Variants in TMEM101 observed in about 807,000 individuals in gnomAD.
The protein encoded by TMEM101 is putative NF-kappa-B-activating protein 130.
Under a neutral mutation model 26.0 loss-of-function variants are expected in TMEM101, and 14 were observed. The ratio of observed to expected loss-of-function variants is 0.54; its 90% CI spans 0.36 to 0.84. The LOEUF (loss-of-function observed/expected upper bound fraction) is 0.84, where lower values mean the gene tolerates loss of function less well. Ranked by LOEUF, TMEM101 falls within the 40% of genes least tolerant of loss-of-function variation. The pLI is 0.01. For synonymous variants in TMEM101, 152 were observed against 145.1 expected (o/e 1.05, Z -0.34); for missense variants, 292 against 345.1 (o/e 0.85, Z 1.22).
chr17:44,016,368 A>T (rs2049231396), upstream of TMEM101, among the ~76,000 whole-genome samples: 1 of 152,054 alleles, frequency 6.6e-6, no homozygotes, highest in Non-Finnish European at 1.5e-5. Context: ...ACAGGGTTTC[A>T]CCATGTTGGC....
At chr17:44,021,236 G>A (rs1292003466) in intron 2 of TMEM101, 1 of 152,210 alleles carries the variant, frequency 6.6e-6, no homozygotes, top group African/African-American at 2.4e-5. Context: ...TGCATCTGCG[G>A]TTTTATAGCA....
intron 1 of TMEM101, among the ~76,000 whole-genome samples, chr17:44,021,904 G>C (rs947527403): frequency 3.9e-5 from 6 of 152,164 alleles, no homozygotes; most frequent in Admixed American, 6.5e-5. Flanking sequence ...TTCCCATCTT[G>C]TTTCTGCCTA....
At chr17:44,022,755 C>T (rs966811163) in intron 1 of TMEM101, among the ~76,000 whole-genome samples, 1 of 152,158 alleles carries the variant, frequency 6.6e-6, no homozygotes, top group African/African-American at 2.4e-5. Flanking sequence ...TGGGAAGTCT[C>T]CAAGCTCCCA....
At position 44,012,100 on chromosome 17, in the gene TMEM101, G is replaced by T; in HGVS notation, c.602C>A (p.Thr201Asn). The change falls in exon 4 of 4, where the codon ACC (threonine) becomes AAC (asparagine). Residue 201 changes from threonine to asparagine, a missense_variant. Thr to Asn is a moderately conservative substitution (Grantham distance 65). Transcript: ENST00000206380. ...ALAFLSGYYV[T>N]LAAQILAVLL... ...TACAGCCAGGATCTGGGCAGCGAGG[G>T]TCACGTAGTAGCCTGACAGAAAGGC... 1 of 1,614,252 alleles carries T rather than the reference G, an allele frequency of 6.2e-7. No individual in the cohort carries two copies. The highest frequency in any genetic ancestry group is 8.5e-7 in the Non-Finnish European group (1 of 1,180,044).
intron 2 of TMEM101, among the ~76,000 whole-genome samples, chr17:44,013,357 G>T (rs969931232): frequency 6.6e-6 from 1 of 152,088 alleles, no homozygotes; most frequent in Non-Finnish European, 1.5e-5. Context: ...GGCCCAGAGG[G>T]TTAAGAAAAC....
rs543639050 is a variant in TMEM101, at chr17:44,011,211, T to C, written c.*717A>G. On this transcript the variant is annotated 3_prime_UTR_variant, in exon 4 of 4. Transcript: ENST00000206380. ...AATGTCTATATAAAATGTTTATTTT[T>C]GGAGGACTGTGTGGTCTGGTGTTTG... The C allele has an allele frequency of 8.5e-5, 13 of 152,312 alleles. No individual in the cohort carries two copies. Among genetic ancestry groups the C allele is most frequent in the Admixed American group, 2.6e-4 (4 of 15,296 alleles). 9.4% of individuals were successfully genotyped at this position (152,312 alleles called of 1,614,324 possible).
chr17:44,014,941 C>T lies in TMEM101; in HGVS notation c.12G>A (p.Lys4=). 6.2e-7 allele frequency: 1 copy of T among 1,612,030 alleles called. No homozygotes were observed. The highest frequency in any genetic ancestry group is 8.5e-7 in the Non-Finnish European group (1 of 1,178,794). The change falls in exon 1 of 4, where the codon AAG becomes AAA. Residue 4 remains lysine (K), a synonymous_variant. Transcript: ENST00000206380. The part of the protein sequence containing the change: MAS[K]IGSRRWMLQL... The stretch of plus-strand genomic sequence containing the variant: ...GCAACATCCACCGTCTCGAACCTAT[C>T]TTCGACGCCATCTTGGGAAAGGGCA...
intron 3 of TMEM101, 33 bp downstream of exon 3, chr17:44,012,976 C>A: frequency 1.3e-6 from 2 of 1,521,368 alleles, no homozygotes; most frequent in South Asian, 1.2e-5. Context: ...CACTCCCAGC[C>A]AGGCACCTCC....
At chr17:44,015,685 G>A (rs146475873), upstream of TMEM101, among the ~76,000 whole-genome samples, 14 of 152,228 alleles carry the variant, frequency 9.2e-5, no homozygotes, top group African/African-American at 3.4e-4. Context: ...GAGCCACCGC[G>A]CCAGGCCAGA....
upstream of TMEM101, chr17:44,015,159 C>T: frequency 1.8e-6 from 1 of 556,268 alleles, no homozygotes; most frequent in Non-Finnish European, 3.0e-6. Flanking sequence ...TTTGTCCCTG[C>T]GAATTTGAAA....
chr17:44,015,356 C>T (rs1238897788), upstream of TMEM101, among the ~76,000 whole-genome samples: 3 of 151,746 alleles, frequency 2.0e-5, no homozygotes, highest in South Asian at 4.2e-4. Flanking sequence ...GATAATTACA[C>T]CTACCTCAGA....
At chr17:44,020,141 C>T (rs1468912196) in intron 2 of TMEM101, among the ~76,000 whole-genome samples, 2 of 152,084 alleles carry the variant, frequency 1.3e-5, no homozygotes, top group African/African-American at 2.4e-5. Context: ...GGGAGTCCGG[C>T]GCATTCATAA....
rs755018786 is a variant in TMEM101, at chr17:44,011,899, G to A, written c.*29C>T. 10 of 1,579,496 alleles carry A rather than the reference G, an allele frequency of 6.3e-6. No individual in the cohort carries two copies. The South Asian group carries it at 8.2e-5, about 13-fold the overall frequency. On this transcript the variant is annotated 3_prime_UTR_variant, in exon 4 of 4. Transcript: ENST00000206380. Reference sequence around the variant, plus strand: ...GCAGGGTGACCCTCAGTGGCTCCCTGTGCCCATCTCAGCCTCTTGCCATAA... The same window carrying A: ...GCAGGGTGACCCTCAGTGGCTCCCTATGCCCATCTCAGCCTCTTGCCATAA...
intron 1 of TMEM101, among the ~76,000 whole-genome samples, chr17:44,022,683 C>G (rs1202725205): frequency 6.6e-6 from 1 of 152,156 alleles, no homozygotes; most frequent in Non-Finnish European, 1.5e-5. Flanking sequence ...TCACAAAGGC[C>G]AATTCCCTTG....
In TMEM101 at chr17:44,011,674, C is replaced by T; in HGVS notation, c.*254G>A. 2.0e-6 allele frequency: 1 copy of T among 495,384 alleles called. No homozygotes were observed. The allele number at this position is 495,384 out of a possible 1,614,324, so 30.7% of individuals were successfully genotyped here. A position where few individuals can be genotyped will look rare whatever the true frequency, so the allele number is the denominator to read the frequency against. ...TCTCAGGGACAGGAGACTCAGTGGG[C>T]AGCTGGCCTCAGCTCTCCTAACAGG... On this transcript the variant is annotated 3_prime_UTR_variant, in exon 4 of 4. Coordinates refer to ENST00000206380, the MANE Select transcript of TMEM101 (RefSeq NM_032376.4).
chr17:44,018,398 G>A (rs2049254443), upstream of TMEM101, among the ~76,000 whole-genome samples: 1 of 152,216 alleles, frequency 6.6e-6, no homozygotes, highest in Non-Finnish European at 1.5e-5. Flanking sequence ...ATACGTGTAT[G>A]TTGGAGGGTG....
At chr17:44,020,394 T>C (rs1372102923) in intron 2 of TMEM101, among the ~76,000 whole-genome samples, 2 of 152,128 alleles carry the variant, frequency 1.3e-5, no homozygotes, top group East Asian at 1.9e-4. Context: ...AAAAATAGAC[T>C]GTTTGGTTAA....
chr17:44,021,332 C>T (rs1362585541), exon 2 of TMEM101: 1 of 152,218 alleles, frequency 6.6e-6, no homozygotes, highest in Non-Finnish European at 1.5e-5. Context: ...ATTATAATGC[C>T]TCTCATTGCA....
chr17:44,017,931 G>A (rs1308320295), upstream of TMEM101, among the ~76,000 whole-genome samples: 4 of 151,944 alleles, frequency 2.6e-5, no homozygotes, highest in African/African-American at 9.7e-5. Flanking sequence ...CCAGAAGTTC[G>A]AGACCAGCCT....
Sources: allele counts gnomAD v4.1 joint callset (sites outside exome capture counted in the v4.1 genomes callset), GRCh38; gene constraint gnomAD v4.1.1; transcripts MANE v1.5; gene names NCBI Gene and HGNC (gene_info 2026-07-23, HGNC 2026-07-21).